Variants in EMP2 observed in about 807,000 individuals in gnomAD.
The protein encoded by EMP2 is epithelial membrane protein 2.
Under a neutral mutation model 13.7 loss-of-function variants are expected in EMP2, and 19 were observed. That is an observed-to-expected ratio of 1.38 (90% CI 0.97 to 2.03). EMP2 has a LOEUF of 2.03. Ranked by LOEUF, EMP2 falls within the 30% of genes most tolerant of loss-of-function variation. The pLI is 0.00. For synonymous variants in EMP2, 97 were observed against 84.7 expected (o/e 1.15, Z -0.80); for missense variants, 253 against 220.7 (o/e 1.15, Z -0.93).
At chr16:10,574,994 T>G (rs1440014903) in intron 1 of EMP2, among the ~76,000 whole-genome samples, 1 of 151,944 alleles carries the variant, frequency 6.6e-6, no homozygotes, top group Non-Finnish European at 1.5e-5. Context: ...CAAGCAATCC[T>G]CCCGCCTCAG....
At chr16:10,572,414 T>C (rs868795866) in intron 1 of EMP2, among the ~76,000 whole-genome samples, 2 of 151,016 alleles carry the variant, frequency 1.3e-5, no homozygotes, top group Admixed American at 1.3e-4. Flanking sequence ...ACCACTACAC[T>C]CCAGCCTGGG....
chr16:10,545,567 C>T (rs922595162), intron 2 of EMP2: 3 of 159,394 alleles, frequency 1.9e-5, no homozygotes, highest in Non-Finnish European at 2.7e-5. Flanking sequence ...GCTGCACGCT[C>T]CTTATGAGAC....
At position 10,528,546 on chromosome 16, in the gene EMP2, G is replaced by T. The variant is rs539287438; in HGVS notation, c.*4359C>A. On this transcript the variant is annotated 3_prime_UTR_variant, in exon 5 of 5. Transcript: ENST00000359543. ...GCATTCTGCCCTAGATGTCATCACCGTTGGGAACATTAGAGTCTTGCTCTG... is the reference window on the plus strand; with the variant it reads ...GCATTCTGCCCTAGATGTCATCACCTTTGGGAACATTAGAGTCTTGCTCTG... 1 of 152,286 alleles carries T rather than the reference G, an allele frequency of 6.6e-6. No individual in the cohort carries two copies. Among genetic ancestry groups the T allele is most frequent in the East Asian group, 1.9e-4 (1 of 5,188 alleles). 9.4% of individuals were successfully genotyped at this position (152,286 alleles called of 1,614,324 possible).
At chr16:10,571,149 T>G (rs577365543) in intron 1 of EMP2, among the ~76,000 whole-genome samples, 40 of 149,984 alleles carry the variant, frequency 2.7e-4, no homozygotes, top group African/African-American at 9.3e-4. Flanking sequence ...CCCAGCTACT[T>G]TGGAGGCTTA....
At chr16:10,550,381 C>T (rs2050777762) in intron 1 of EMP2, among the ~76,000 whole-genome samples, 1 of 152,140 alleles carries the variant, frequency 6.6e-6, no homozygotes, top group African/African-American at 2.4e-5. Context: ...TCTCTTTAGT[C>T]CCCTTTAATC....
chr16:10,564,408 T>G (rs1254562211), intron 1 of EMP2, among the ~76,000 whole-genome samples: 1 of 150,582 alleles, frequency 6.6e-6, no homozygotes, highest in Non-Finnish European at 1.5e-5. Context: ...GGAGAATTGC[T>G]TGAACCTGGG....
rs150986636 is a variant in EMP2, at chr16:10,538,056, G to T, written c.188C>A (p.Ala63Glu). Residue 63 changes from alanine to glutamate, a missense_variant, in exon 4 of 5, where the codon GCG becomes GAG. Physicochemically the swap from Ala to Glu is moderately radical, Grantham distance 107. Coordinates refer to ENST00000359543, the MANE Select transcript of EMP2 (RefSeq NM_001424.6). ...DSFQEYSTLQAVQATMILSTI... is the reference protein window; with the variant it reads ...DSFQEYSTLQEVQATMILSTI... Reference sequence around the variant, plus strand: ...GGAGAGGATCATGGTGGCCTGGACCGCCTGCAGCGTGGAGTACTCTGCGGG... The same window carrying T: ...GGAGAGGATCATGGTGGCCTGGACCTCCTGCAGCGTGGAGTACTCTGCGGG... 50 of 1,613,752 alleles carry T rather than the reference G, an allele frequency of 3.1e-5. No homozygotes were observed. Among genetic ancestry groups the T allele is most frequent in the Non-Finnish European group, 4.2e-5 (49 of 1,179,976 alleles).
At chr16:10,577,746 TA>T (rs903015871) in intron 1 of EMP2, among the ~76,000 whole-genome samples, 3 of 152,046 alleles carry the variant, frequency 2.0e-5, no homozygotes, top group African/African-American at 7.2e-5. Flanking sequence ...GGCTGGCCTT[TA>T]ACTCTCTCCT....
At chr16:10,579,264 C>G (rs2051005482) in intron 1 of EMP2, among the ~76,000 whole-genome samples, 1 of 152,084 alleles carries the variant, frequency 6.6e-6, no homozygotes, top group Non-Finnish European at 1.5e-5. Flanking sequence ...AACTGAAGGC[C>G]GAATTCCAGG....
intron 4 of EMP2, among the ~76,000 whole-genome samples, chr16:10,536,933 C>T (rs1264649812): frequency 1.3e-5 from 2 of 152,088 alleles, no homozygotes; most frequent in Non-Finnish European, 2.9e-5. Context: ...GAGGATGGTC[C>T]CAGGCAAACT....
intron 1 of EMP2, among the ~76,000 whole-genome samples, chr16:10,568,780 C>CT (rs58406598): frequency 0.35 from 29,971 of 84,710 alleles, 6,021 homozygotes; most frequent in Non-Finnish European, 0.4. Flanking sequence ...CTAGGATTTT[C>CT]TTTTTTTTTT....
intron 1 of EMP2, among the ~76,000 whole-genome samples, chr16:10,572,281 C>A (rs773068185): frequency 4.0e-5 from 6 of 151,872 alleles, no homozygotes; most frequent in Non-Finnish European, 8.8e-5. Context: ...CAAAGCAAGA[C>A]CCCAGTCTCT....
intron 1 of EMP2, among the ~76,000 whole-genome samples, chr16:10,569,945 C>T (rs181189470): frequency 6.6e-6 from 1 of 152,306 alleles, no homozygotes; most frequent in African/African-American, 2.4e-5. Flanking sequence ...CCGCCCTGAC[C>T]CTAGTGACTT....
intron 1 of EMP2, among the ~76,000 whole-genome samples, chr16:10,564,567 T>A (rs887194746): frequency 6.7e-6 from 1 of 149,544 alleles, no homozygotes; most frequent in Non-Finnish European, 1.5e-5. Flanking sequence ...ATGTGGGCCC[T>A]ACCTCCCAGT....
At chr16:10,555,549 T>G (rs2050821092) in intron 1 of EMP2, among the ~76,000 whole-genome samples, 1 of 152,116 alleles carries the variant, frequency 6.6e-6, no homozygotes, top group African/African-American at 2.4e-5. Context: ...AAAACAGTCT[T>G]CTGTCATACC....
intron 1 of EMP2, among the ~76,000 whole-genome samples, chr16:10,548,258 G>T (rs1015912867): frequency 1.3e-5 from 2 of 152,170 alleles, no homozygotes; most frequent in Non-Finnish European, 2.9e-5. Context: ...GAGTGGCTCT[G>T]TGTGTGCTAA....
In EMP2 at chr16:10,580,388, C is replaced by T. The variant is rs1188291366; in HGVS notation, c.-61+161G>A. 6.6e-6 allele frequency among the ~76,000 whole-genome samples: 1 copy of T among 152,196 alleles called. No individual in the cohort carries two copies. The highest frequency in any genetic ancestry group is 2.4e-5 in the African/African-American group (1 of 41,454). ...AGCGAGCGTGGCGCAGACCAGAGGTCGGCGGCATGGGTGGCACCTCGGCCC... is the reference window on the plus strand; with the variant it reads ...AGCGAGCGTGGCGCAGACCAGAGGTTGGCGGCATGGGTGGCACCTCGGCCC... On this transcript the variant is annotated intron_variant, in intron 1 of 4. Coordinates refer to ENST00000359543, the MANE Select transcript of EMP2 (RefSeq NM_001424.6). The surrounding 1 kb of genome is among the most constrained non-coding windows in gnomAD (Gnocchi z 4.3).
rs73502102 is a variant in EMP2 at position 10,539,075 on chromosome 16, A to G, written c.170-1001T>C. Among the ~76,000 whole-genome samples the G allele has an allele frequency of 4.2e-3, 634 of 152,190 alleles. 1 individual carries two copies. Among genetic ancestry groups the G allele is most frequent in the African/African-American group, 0.014 (597 of 41,504 alleles). On this transcript the variant is annotated intron_variant, in intron 3 of 4. Coordinates refer to ENST00000359543, the MANE Select transcript of EMP2 (RefSeq NM_001424.6). The stretch of plus-strand genomic sequence containing the variant: ...ATAGCTCCTTCCTCATCGGGCTAGG[A>G]AGGTAGAGTAAACTCATCTACATAA...
chr16:10,535,844 A>G (rs1273276481), intron 4 of EMP2, among the ~76,000 whole-genome samples: 3 of 152,230 alleles, frequency 2.0e-5, no homozygotes, highest in Non-Finnish European at 4.4e-5. Context: ...TACCTCGCCC[A>G]GGGTCCTTGG....
Sources: allele counts gnomAD v4.1 joint callset (sites outside exome capture counted in the v4.1 genomes callset), GRCh38; gene constraint gnomAD v4.1.1; non-coding constraint Gnocchi (gnomAD v3.1); transcripts MANE v1.5; gene names NCBI Gene and HGNC (gene_info 2026-07-23, HGNC 2026-07-21).